TAFA2: variants seen among roughly 807,000 people sequenced by gnomAD.
TAFA2 encodes TAFA chemokine like family member 2, also known as chemokine-like protein TAFA-2.
TAFA2 carries 7 observed loss-of-function variants against 18.8 expected under a neutral mutation model. The observed-to-expected ratio is 0.37, with a 90% CI of 0.21 to 0.70. The LOEUF (loss-of-function observed/expected upper bound fraction) is 0.70, where lower values mean the gene tolerates loss of function less well. TAFA2 is among the 30% of genes least tolerant of loss of function. The probability of loss-of-function intolerance (pLI) is 0.53; values close to 1 mark genes in which losing one functional copy is unlikely to be tolerated. For missense variants in TAFA2, 122 were observed against 158.1 expected (o/e 0.77, Z 1.23); for synonymous variants, 60 against 54.2 (o/e 1.11, Z -0.47).
At chr12:61,828,244 A>G (rs570256965) in intron 2 of TAFA2, among the ~76,000 whole-genome samples, 1 of 151,978 alleles carries the variant, frequency 6.6e-6, no homozygotes, top group South Asian at 2.1e-4. Flanking sequence ...CTTTAACTCA[A>G]TAATCTGATA....
chr12:61,980,746 A>C (rs1879604162), intron 1 of TAFA2, among the ~76,000 whole-genome samples: 1 of 152,210 alleles, frequency 6.6e-6, no homozygotes, highest in Non-Finnish European at 1.5e-5. Flanking sequence ...AATCCGACTT[A>C]CAAGGGATGT....
chr12:61,874,809 C>G (rs566015300), intron 1 of TAFA2, among the ~76,000 whole-genome samples: 1 of 152,190 alleles, frequency 6.6e-6, no homozygotes, highest in East Asian at 1.9e-4. Flanking sequence ...CTGAAATGAT[C>G]AAGGCTAAGC....
chr12:62,087,769 G>A (rs1451818146), intron 1 of TAFA2, among the ~76,000 whole-genome samples: 1 of 152,046 alleles, frequency 6.6e-6, no homozygotes. Context: ...CCACTGTGTA[G>A]GAAATGAATC....
chr12:61,964,405 CTG>C (rs1459408098), intron 1 of TAFA2, among the ~76,000 whole-genome samples: 11 of 151,868 alleles, frequency 7.2e-5, no homozygotes, highest in Non-Finnish European at 1.6e-4. Flanking sequence ...CTTCCTTCTA[CTG>C]TCTTTCCTCT....
At chr12:61,757,019 A>G (rs6581427) in intron 2 of TAFA2, among the ~76,000 whole-genome samples, 75,794 of 151,880 alleles carry the variant, frequency 0.5, 19,157 homozygotes, top group African/African-American at 0.57. Flanking sequence ...AGGCTGGTAC[A>G]CTATGGTAAG....
intron 2 of TAFA2, among the ~76,000 whole-genome samples, chr12:61,819,459 A>G (rs551405236): frequency 6.6e-6 from 1 of 152,316 alleles, no homozygotes; most frequent in South Asian, 2.1e-4. Context: ...TATCCTTAGA[A>G]TACCTCTTAT....
At chr12:61,818,915 T>G (rs1480142987) in intron 2 of TAFA2, among the ~76,000 whole-genome samples, 1 of 152,122 alleles carries the variant, frequency 6.6e-6, no homozygotes, top group Admixed American at 6.6e-5. Context: ...ACTCAGAGAG[T>G]AAAACTTAAA....
chr12:61,962,105 C>CTTCA (rs1029683169), intron 1 of TAFA2, among the ~76,000 whole-genome samples: 1 of 151,924 alleles, frequency 6.6e-6, no homozygotes, highest in Non-Finnish European at 1.5e-5. Flanking sequence ...CATATTTATT[C>CTTCA]TTCATTCATT....
intron 1 of TAFA2, among the ~76,000 whole-genome samples, chr12:62,141,165 C>T (rs1049430893): frequency 1.3e-5 from 2 of 152,194 alleles, no homozygotes; most frequent in Non-Finnish European, 2.9e-5. Flanking sequence ...GAACAATGAA[C>T]AAAGTTCTTC....
At chr12:62,194,747 T>C (rs2136964446), upstream of TAFA2, among the ~76,000 whole-genome samples, 1 of 152,322 alleles carries the variant, frequency 6.6e-6, no homozygotes, top group South Asian at 2.1e-4. Flanking sequence ...TTGTTGATAC[T>C]TCTTACCTTC....
chr12:61,986,759 T>C (rs149371826), intron 1 of TAFA2, among the ~76,000 whole-genome samples: 1 of 152,316 alleles, frequency 6.6e-6, no homozygotes, highest in African/African-American at 2.4e-5. Context: ...ATATGGAATT[T>C]CAAAAGAGTG....
rs114820159 is a variant in TAFA2, at chr12:61,880,210, C to G, written c.-1-12784G>C. 1,233 of 494,090 alleles carry G rather than the reference C, an allele frequency of 2.5e-3. 12 individuals are homozygous for G. Among genetic ancestry groups the G allele is most frequent in the African/African-American group, 0.022 (1,147 of 51,440 alleles). 30.6% of individuals were successfully genotyped at this position (494,090 alleles called of 1,614,324 possible). A position where few individuals can be genotyped will look rare whatever the true frequency, so the allele number is the denominator to read the frequency against. On this transcript the variant is annotated intron_variant, in intron 1 of 4. Transcript: ENST00000416284. ...ACCTGCAGATGCTGGCCAGGAAGCACGGGGATAACCTGAGGTGTACAAAGA... is the reference window on the plus strand; with the variant it reads ...ACCTGCAGATGCTGGCCAGGAAGCAGGGGGATAACCTGAGGTGTACAAAGA...
intron 4 of TAFA2, among the ~76,000 whole-genome samples, chr12:61,735,805 T>C (rs1053567618): frequency 1.3e-5 from 2 of 151,940 alleles, no homozygotes; most frequent in Non-Finnish European, 2.9e-5. Context: ...TACATTGCCT[T>C]ATCTTCATGT....
chr12:62,111,946 G>A (rs545572732), intron 1 of TAFA2, among the ~76,000 whole-genome samples: 1 of 152,090 alleles, frequency 6.6e-6, no homozygotes, highest in East Asian at 1.9e-4. Flanking sequence ...TATCCAATTT[G>A]CCAGTATGTG....
At chr12:61,761,103 C>T (rs1020927770) in intron 2 of TAFA2, among the ~76,000 whole-genome samples, 17 of 152,052 alleles carry the variant, frequency 1.1e-4, no homozygotes, top group Admixed American at 5.9e-4. Context: ...CCCAGAAACA[C>T]GGCCTTAGGA....
intron 1 of TAFA2, among the ~76,000 whole-genome samples, chr12:62,116,435 G>A (rs1373403418): frequency 6.6e-6 from 1 of 152,170 alleles, no homozygotes; most frequent in Non-Finnish European, 1.5e-5. Context: ...CCATTAAACT[G>A]CTCTCATGTG....
At chr12:61,905,055 C>T (rs1378815896) in intron 1 of TAFA2, among the ~76,000 whole-genome samples, 7 of 152,146 alleles carry the variant, frequency 4.6e-5, no homozygotes, top group Admixed American at 4.6e-4. Context: ...AAAGGTTTTG[C>T]TCCTTTTGAT....
intron 4 of TAFA2, among the ~76,000 whole-genome samples, chr12:61,746,101 C>T (rs1868693708): frequency 6.6e-6 from 1 of 152,066 alleles, no homozygotes; most frequent in Non-Finnish European, 1.5e-5. Flanking sequence ...TCCCTATAAT[C>T]CCCACATGTC....
At chr12:61,814,049 C>G (rs978747210) in intron 2 of TAFA2, among the ~76,000 whole-genome samples, 1 of 151,412 alleles carries the variant, frequency 6.6e-6, no homozygotes, top group Non-Finnish European at 1.5e-5. Context: ...AAGGCACACA[C>G]TGTATGCAAA....
Sources: gnomAD v4.1 joint callset for allele counts (sites outside exome capture counted in the v4.1 genomes callset) on GRCh38, gnomAD v4.1.1 for gene constraint, MANE v1.5 for transcripts, NCBI Gene and HGNC (gene_info 2026-07-23, HGNC 2026-07-21) for gene names.